CXCL13: variants seen among roughly 807,000 people sequenced by gnomAD.
CXCL13 encodes C-X-C motif chemokine ligand 13.
A neutral mutation model predicts 12.2 loss-of-function variants in CXCL13; 7 were observed. The ratio of observed to expected loss-of-function variants is 0.57; its 90% CI spans 0.33 to 1.07. The LOEUF (loss-of-function observed/expected upper bound fraction) is 1.07. CXCL13 is among the 50% of genes least tolerant of loss of function. The probability of loss-of-function intolerance (pLI) is 0.04; values close to 1 mark genes in which losing one functional copy is unlikely to be tolerated. For missense variants in CXCL13, 113 were observed against 127.4 expected (o/e 0.89, Z 0.55); for synonymous variants, 47 against 42.4 (o/e 1.11, Z -0.42).
chr4:77,564,298 C>T (rs887286681), intron 1 of CXCL13, among the ~76,000 whole-genome samples: 6 of 152,086 alleles, frequency 3.9e-5, no homozygotes, highest in African/African-American at 9.7e-5. Context: ...GGAGGAAAGC[C>T]GTGGTATCAG....
At chr4:77,564,777 A>T (rs779953203) in intron 1 of CXCL13, among the ~76,000 whole-genome samples, 9 of 152,048 alleles carry the variant, frequency 5.9e-5, no homozygotes, top group Non-Finnish European at 1.0e-4. Flanking sequence ...ATGGCTCTCC[A>T]CTCTAAAAGG....
chr4:77,521,060 A>T (rs1434617051), intron 1 of CXCL13, among the ~76,000 whole-genome samples: 1 of 152,162 alleles, frequency 6.6e-6, no homozygotes, highest in Non-Finnish European at 1.5e-5. Context: ...CATCCCAGGG[A>T]TGAAGCCAAC....
upstream of CXCL13, among the ~76,000 whole-genome samples, chr4:77,604,697 G>T (rs1022733847): frequency 1.3e-5 from 2 of 152,128 alleles, no homozygotes; most frequent in Non-Finnish European, 2.9e-5. Flanking sequence ...AACTGCTTTT[G>T]TGTGAAGGTT....
At chr4:77,609,974 T>C (rs906606290) in intron 2 of CXCL13, among the ~76,000 whole-genome samples, 1 of 152,254 alleles carries the variant, frequency 6.6e-6, no homozygotes, top group Non-Finnish European at 1.5e-5. Flanking sequence ...ATTGAAATAA[T>C]CCATGTTACC....
At chr4:77,600,140 C>G (rs1225412083) in intron 1 of CXCL13, among the ~76,000 whole-genome samples, 1 of 151,684 alleles carries the variant, frequency 6.6e-6, no homozygotes, top group Non-Finnish European at 1.5e-5. Flanking sequence ...TGAGAAGTAT[C>G]TAGGAGGCCT....
chr4:77,515,535 G>A (rs1724393092), intron 1 of CXCL13, among the ~76,000 whole-genome samples: 1 of 152,062 alleles, frequency 6.6e-6, no homozygotes, highest in Non-Finnish European at 1.5e-5. Context: ...CCCTTATAAG[G>A]TGGATTCCTA....
intron 1 of CXCL13, among the ~76,000 whole-genome samples, chr4:77,525,469 T>A (rs1724739532): frequency 1.3e-5 from 2 of 152,170 alleles, no homozygotes; most frequent in South Asian, 2.1e-4. Context: ...GATTTTGTTT[T>A]TAAACAGCAT....
intron 1 of CXCL13, among the ~76,000 whole-genome samples, chr4:77,526,093 G>A (rs1157313012): frequency 1.3e-5 from 2 of 151,978 alleles, no homozygotes; most frequent in Non-Finnish European, 2.9e-5. Flanking sequence ...GAAGACTGCA[G>A]AAGGTAGCAG....
At chr4:77,516,486 C>A (rs1490018128) in intron 1 of CXCL13, among the ~76,000 whole-genome samples, 1 of 152,150 alleles carries the variant, frequency 6.6e-6, no homozygotes, top group Non-Finnish European at 1.5e-5. Context: ...AATTTCAGCT[C>A]CTGTTATTGG....
At chr4:77,564,218 C>G (rs1039503896) in intron 1 of CXCL13, among the ~76,000 whole-genome samples, 3 of 152,190 alleles carry the variant, frequency 2.0e-5, no homozygotes, top group Non-Finnish European at 2.9e-5. Context: ...TTCAGGAAAA[C>G]TAGATCCAAC....
At chr4:77,565,809 GA>G (rs921416799) in intron 1 of CXCL13, among the ~76,000 whole-genome samples, 8 of 151,364 alleles carry the variant, frequency 5.3e-5, no homozygotes, top group East Asian at 1.9e-4. Context: ...GAAGGACATG[GA>G]AAAAAAAATT....
intron 1 of CXCL13, among the ~76,000 whole-genome samples, chr4:77,549,228 G>A (rs1307609080): frequency 6.6e-6 from 1 of 152,152 alleles, no homozygotes; most frequent in Non-Finnish European, 1.5e-5. Flanking sequence ...ATCCTAGTTA[G>A]CCATTCTTCT....
intron 1 of CXCL13, among the ~76,000 whole-genome samples, chr4:77,569,356 C>A (rs1726009916): frequency 6.6e-6 from 1 of 152,130 alleles, no homozygotes; most frequent in Admixed American, 6.6e-5. Context: ...GATCCTATAC[C>A]TAGAAAACCA....
intron 1 of CXCL13, among the ~76,000 whole-genome samples, chr4:77,594,177 C>T (rs1207347871): frequency 6.6e-6 from 1 of 152,190 alleles, no homozygotes; most frequent in Non-Finnish European, 1.5e-5. Context: ...TGGCTTGAGT[C>T]ATGCATGTCT....
chr4:77,577,778 T>G (rs1370402741), intron 1 of CXCL13, among the ~76,000 whole-genome samples: 1 of 152,148 alleles, frequency 6.6e-6, no homozygotes, highest in Non-Finnish European at 1.5e-5. Flanking sequence ...CTCATGTACC[T>G]CGGGTATTTG....
chr4:77,570,284 A>C (rs1163085584), intron 1 of CXCL13, among the ~76,000 whole-genome samples: 1 of 152,252 alleles, frequency 6.6e-6, no homozygotes, highest in African/African-American at 2.4e-5. Context: ...AACTAAACTA[A>C]AGAGCTTCAG....
chr4:77,526,246 A>G lies in CXCL13; in HGVS notation c.-43+14458A>G, dbSNP rs550655489. Reference sequence around the variant, plus strand: ...TTTCATGGCAAATATTAAATAAACAATATCCTAGTCTCAGGTATTCTGTTA... The same window carrying G: ...TTTCATGGCAAATATTAAATAAACAGTATCCTAGTCTCAGGTATTCTGTTA... On this transcript the variant is annotated intron_variant, in intron 1 of 4. Transcript: ENST00000286758. Among the ~76,000 whole-genome samples the G allele has an allele frequency of 2.0e-5, 3 of 152,232 alleles. No individual in the cohort carries two copies. The East Asian group carries it at 5.8e-4, about 29-fold the overall frequency.
At chr4:77,515,444 G>A (rs1321415549) in intron 1 of CXCL13, among the ~76,000 whole-genome samples, 1 of 152,200 alleles carries the variant, frequency 6.6e-6, no homozygotes, top group Non-Finnish European at 1.5e-5. Flanking sequence ...CATGAGCATG[G>A]AAGGTTCTTT....
chr4:77,554,546 A>G (rs916901432), intron 1 of CXCL13, among the ~76,000 whole-genome samples: 5 of 152,162 alleles, frequency 3.3e-5, no homozygotes, highest in Admixed American at 3.3e-4. Context: ...CAGAAAACTC[A>G]GTAAGAATAT....
Sources: allele counts gnomAD v4.1 joint callset (sites outside exome capture counted in the v4.1 genomes callset), GRCh38; gene constraint gnomAD v4.1.1; transcripts MANE v1.5; gene names NCBI Gene and HGNC (gene_info 2026-07-23, HGNC 2026-07-21).